The following RELN variants were observed in gnomAD, a reference collection of about 807,000 sequenced individuals.
RELN encodes reelin.
Under a neutral mutation model 427.6 loss-of-function variants are expected in RELN, and 108 were observed. That is an observed-to-expected ratio of 0.25 (90% CI 0.22 to 0.30). The LOEUF is 0.30. RELN is among the 10% of genes least tolerant of loss of function. The pLI is 1.00. For missense variants in RELN, 3,715 were observed against 4,302.8 expected (o/e 0.86, Z 3.82); for synonymous variants, 1,524 against 1,513.4 (o/e 1.01, Z -0.16).
chr7:103,696,162 C>G (rs1833972705), intron 10 of RELN, among the ~76,000 whole-genome samples: 1 of 152,122 alleles, frequency 6.6e-6, no homozygotes, highest in South Asian at 2.1e-4. Context: ...TCACCCCTTT[C>G]TAGCTCGGGA....
At chr7:103,498,050 G>T (rs1417852389) in intron 54 of RELN, 27 bp downstream of exon 54, 1 of 1,611,976 alleles carries the variant, frequency 6.2e-7, no homozygotes, top group Non-Finnish European at 8.5e-7. Flanking sequence ...TGGTGCAATA[G>T]AAATAACTAA....
rs951846268 is a variant in RELN at position 103,530,322 on chromosome 7, G to A, written c.7349+4994C>T. Among the ~76,000 whole-genome samples, 6 of 152,140 alleles carry A rather than the reference G, an allele frequency of 3.9e-5. No individual in the cohort carries two copies. The East Asian group carries it at 5.8e-4, about 15-fold the overall frequency. ...GGAGTCATCTCTTGATGTATGTAAC[G>A]GAGAAGGAGAAATTAGTGACTGGGT... On this transcript the variant is annotated intron_variant, in intron 46 of 64. Transcript: ENST00000428762.
chr7:103,702,218 A>G (rs528929669), intron 8 of RELN, among the ~76,000 whole-genome samples: 6 of 152,354 alleles, frequency 3.9e-5, no homozygotes, highest in Non-Finnish European at 2.9e-5. Flanking sequence ...TAAATATCAA[A>G]CTGTGCGACT....
At position 103,682,174 on chromosome 7, in the gene RELN, G is replaced by T. The variant is rs144978163; in HGVS notation, c.1231C>A (p.Leu411Ile). The T allele has an allele frequency of 3.4e-4, 541 of 1,613,972 alleles. 1 individual carries two copies. The highest frequency in any genetic ancestry group is 4.4e-4 in the Non-Finnish European group (518 of 1,179,892). ...TGCTCTTGAATATCTTCTGTGGAAA[G>T]ATCTACATCCCTGGTGGTGGCAAAA... ...FNFATTRDVD[L>I]STEDIQEQWS... Residue 411 changes from leucine (L) to isoleucine (I), a missense_variant, in exon 11 of 65, where the codon CTT becomes ATT. This residue lies in a region of RELN where 2,208 missense variants were observed against 2,361.7 expected (regional missense o/e 0.93). Transcript: ENST00000428762.
At chr7:103,903,415 T>C (rs1375256857) in intron 2 of RELN, among the ~76,000 whole-genome samples, 1 of 152,104 alleles carries the variant, frequency 6.6e-6, no homozygotes, top group Non-Finnish European at 1.5e-5. Context: ...TGAGAAAGTA[T>C]CCCATGTAAT....
chr7:103,761,870 T>A (rs1791309302), intron 4 of RELN, among the ~76,000 whole-genome samples: 1 of 152,182 alleles, frequency 6.6e-6, no homozygotes, highest in African/African-American at 2.4e-5. Flanking sequence ...ATTGCAGGTA[T>A]AAATTGACCC....
At chr7:103,480,493 G>T (rs560258836) in intron 63 of RELN, among the ~76,000 whole-genome samples, 1 of 152,248 alleles carries the variant, frequency 6.6e-6, no homozygotes, top group Admixed American at 6.5e-5. Flanking sequence ...GAAGTACTTT[G>T]AAAGGGTAGA....
chr7:103,521,138 G>C, intron 48 of RELN, among the ~76,000 whole-genome samples: 1 of 150,262 alleles, frequency 6.7e-6, no homozygotes. Flanking sequence ...CACCGCGCCC[G>C]GCTAATTTTT....
intron 2 of RELN, among the ~76,000 whole-genome samples, chr7:103,847,424 G>C (rs1481690694): frequency 6.6e-6 from 1 of 152,184 alleles, no homozygotes; most frequent in Non-Finnish European, 1.5e-5. Context: ...CAGAGGGTGG[G>C]GGGCTAGAGG....
rs553567105 is a variant in RELN, at chr7:103,910,398, C to G, written c.337+6677G>C. The stretch of plus-strand genomic sequence containing the variant: ...TTTCCTCTTTTCCTAATTGAATACC[C>G]TTTATTTCCTTCTCCTGCCTAATTG... On this transcript the variant is annotated intron_variant, in intron 2 of 64. Transcript: ENST00000428762. 2.8e-4 allele frequency among the ~76,000 whole-genome samples: 43 copies of G among 151,458 alleles called. 1 individual carries two copies. In the South Asian group the frequency reaches 5.7e-3, roughly 20 times the overall value.
intron 3 of RELN, among the ~76,000 whole-genome samples, chr7:103,818,260 C>A (rs76420058): frequency 2.0e-5 from 3 of 152,120 alleles, no homozygotes; most frequent in Admixed American, 6.5e-5. Flanking sequence ...AGACAGAATG[C>A]GTTGCTTTTC....
intron 46 of RELN, among the ~76,000 whole-genome samples, chr7:103,524,816 A>C (rs1246310366): frequency 6.6e-6 from 1 of 152,194 alleles, no homozygotes; most frequent in Non-Finnish European, 1.5e-5. Context: ...TTGAGCGTCT[A>C]TGTACAAACT....
rs1830402317 is a variant in RELN, at chr7:103,551,181, C to T, written c.6188G>A (p.Ser2063Asn). Reference sequence around the variant, plus strand: ...GGTGGAGCATAAAGAGCTGACGTGGCTGCTGCTGTGGTAGCAGAGGGGCAG... The same window carrying T: ...GGTGGAGCATAAAGAGCTGACGTGGTTGCTGCTGTGGTAGCAGAGGGGCAG... ...LLLPLCYHSS[S>N]HVSSLCSTEH... The change falls in exon 41 of 65, where the codon AGC becomes AAC. Residue 2063 changes from serine to asparagine, a missense_variant. By Grantham distance (46) the Ser-to-Asn change is conservative (BLOSUM62 1). Around this residue, in one of 4 missense-constraint regions of RELN, gnomAD observed 1,310 missense variants for 1,643.0 expected, o/e 0.80. Transcript: ENST00000428762. 2 of 1,613,980 alleles carry T rather than the reference C, an allele frequency of 1.2e-6. No homozygotes were observed. The highest frequency in any genetic ancestry group is 8.5e-7 in the Non-Finnish European group (1 of 1,180,006).
chr7:103,505,865 A>G (rs1407895238), intron 51 of RELN, among the ~76,000 whole-genome samples: 1 of 152,230 alleles, frequency 6.6e-6, no homozygotes, highest in Non-Finnish European at 1.5e-5. Flanking sequence ...GGGACTGCTA[A>G]CTAGAATAAC....
intron 24 of RELN, among the ~76,000 whole-genome samples, chr7:103,601,775 A>AC (rs1333998657): frequency 6.6e-6 from 1 of 152,092 alleles, no homozygotes; most frequent in Non-Finnish European, 1.5e-5. Context: ...AGAGGTGGTT[A>AC]CCCCTCTCGC....
rs547326550 is a variant in RELN, at chr7:103,774,024, G to A, written c.544+2533C>T. ...AGAATAATGACTTTCGGTAGGGTGC[G>A]GTGGCTCATGCCTGTAATCCTAGCA... On this transcript the variant is annotated intron_variant, in intron 4 of 64. Coordinates refer to ENST00000428762, the MANE Select transcript of RELN (RefSeq NM_005045.4). Among the ~76,000 whole-genome samples, 9 of 152,020 alleles carry A rather than the reference G, an allele frequency of 5.9e-5. No individual in the cohort carries two copies. In the East Asian group the frequency reaches 7.8e-4, roughly 13 times the overall value.
intron 3 of RELN, among the ~76,000 whole-genome samples, chr7:103,818,998 A>G (rs985560662): frequency 3.9e-5 from 6 of 152,174 alleles, no homozygotes; most frequent in Non-Finnish European, 8.8e-5. Flanking sequence ...ACACACACAT[A>G]TATCTAGAGA....
At chr7:103,604,993 C>T (rs1831783042) in intron 22 of RELN, among the ~76,000 whole-genome samples, 1 of 152,072 alleles carries the variant, frequency 6.6e-6, no homozygotes, top group South Asian at 2.1e-4. Context: ...ACATGCCTGG[C>T]TAATTTTTGT....
chr7:103,782,311 G>A (rs955676088), intron 3 of RELN, among the ~76,000 whole-genome samples: 9 of 152,086 alleles, frequency 5.9e-5, no homozygotes, highest in African/African-American at 1.4e-4. Flanking sequence ...ATTCTGCTGC[G>A]GCACAGGGCT....
Sources: gnomAD v4.1 joint callset for allele counts (sites outside exome capture counted in the v4.1 genomes callset) on GRCh38, gnomAD v4.1.1 for gene constraint, gnomAD v4.1.1 regional missense constraint, MANE v1.5 for transcripts, NCBI Gene and HGNC (gene_info 2026-07-23, HGNC 2026-07-21) for gene names.